FAT1: variants seen among roughly 807,000 people sequenced by gnomAD.
FAT1 encodes protocadherin Fat 1.
Under a neutral mutation model 329.8 loss-of-function variants are expected in FAT1, and 171 were observed. That is an observed-to-expected ratio of 0.52 (90% CI 0.46 to 0.59). The LOEUF is 0.59. Among genes scored for constraint, FAT1 ranks in the 20% least tolerant of loss-of-function variants. The pLI is 0.00. For synonymous variants in FAT1, 2,233 were observed against 2,228.6 expected (o/e 1.00, Z -0.06); for missense variants, 5,672 against 5,774.4 (o/e 0.98, Z 0.57).
intron 3 of FAT1, among the ~76,000 whole-genome samples, chr4:186,662,395 G>A (rs142890757): frequency 7.9e-5 from 12 of 152,244 alleles, no homozygotes; most frequent in South Asian, 6.2e-4. Context: ...TAAAAATTTC[G>A]GAGGAGGATT....
intron 3 of FAT1, among the ~76,000 whole-genome samples, chr4:186,651,152 AT>A (rs1741636231): frequency 6.7e-6 from 1 of 148,946 alleles, no homozygotes; most frequent in Non-Finnish European, 1.5e-5. Context: ...TTTATTAATA[AT>A]AAATTTATTA....
chr4:186,661,971 C>T (rs531033811), intron 3 of FAT1, among the ~76,000 whole-genome samples: 1 of 152,188 alleles, frequency 6.6e-6, no homozygotes, highest in South Asian at 2.1e-4. Flanking sequence ...TGAGAGGACT[C>T]CCAAGGTGTC....
At chr4:186,632,988 T>G (rs1740662042) in intron 7 of FAT1, among the ~76,000 whole-genome samples, 2 of 152,218 alleles carry the variant, frequency 1.3e-5, no homozygotes, top group African/African-American at 4.8e-5. Context: ...GTGCCTGGCA[T>G]GTAACAAGTG....
chr4:186,616,622 C>T (rs577123905), intron 11 of FAT1, among the ~76,000 whole-genome samples: 9 of 152,282 alleles, frequency 5.9e-5, no homozygotes, highest in East Asian at 1.9e-4. Context: ...GCTTCTCCAG[C>T]GTGCAGAAGA....
At chr4:186,686,004 C>A (rs1743441601) in intron 2 of FAT1, among the ~76,000 whole-genome samples, 3 of 152,154 alleles carry the variant, frequency 2.0e-5, no homozygotes, top group Admixed American at 2.0e-4. Context: ...TTATGACAAT[C>A]CTGGAAGCTG....
chr4:186,651,603 T>TC (rs1047021657), intron 3 of FAT1, among the ~76,000 whole-genome samples: 5 of 151,664 alleles, frequency 3.3e-5, no homozygotes, highest in African/African-American at 1.2e-4. Flanking sequence ...CAACACTGGA[T>TC]CCCCCCGAAA....
intron 11 of FAT1, 60 bp downstream of exon 11, chr4:186,616,945 A>G (rs1402857862): frequency 1.4e-6 from 2 of 1,452,784 alleles, no homozygotes; most frequent in East Asian, 2.3e-5. Context: ...TGATGGTCCC[A>G]TTGAAAGAAT....
upstream of FAT1, among the ~76,000 whole-genome samples, chr4:186,725,837 G>A (rs1350159853): frequency 6.6e-6 from 1 of 152,182 alleles, no homozygotes; most frequent in Admixed American, 6.5e-5. The surrounding 1 kb of genome is among the most constrained non-coding windows in gnomAD (Gnocchi z 5.4). Flanking sequence ...CCTCCAGCAC[G>A]GCCTCTACAT....
rs327094 is a variant in FAT1, at chr4:186,716,277, T to A, written c.-18-6432A>T. On this transcript the variant is annotated intron_variant, in intron 1 of 26. Transcript: ENST00000441802. ...CACAAAATTATTAAGTTGAGAACTC[T>A]GTGTTCTCCCTCACTGTGCTCTTCT... 8.8e-3 allele frequency among the ~76,000 whole-genome samples: 1,338 copies of A among 152,318 alleles called. 16 individuals carry two copies. Among genetic ancestry groups the A allele is most frequent in the African/African-American group, 0.031 (1,273 of 41,554 alleles).
intron 24 of FAT1, 67 bp downstream of exon 24, chr4:186,597,615 T>C: frequency 9.2e-7 from 1 of 1,083,370 alleles, no homozygotes; most frequent in Non-Finnish European, 1.4e-6. Context: ...TGAAGGTCTG[T>C]TGCATCTGCC....
chr4:186,598,411 G>A (rs896691836), intron 22 of FAT1: 2 of 284,834 alleles, frequency 7.0e-6, no homozygotes, highest in African/African-American at 4.4e-5. Context: ...TTACCTGAGT[G>A]ACCATGTACG....
chr4:186,628,020 G>GT (rs759613306), intron 9 of FAT1, 134 bp downstream of exon 9: 155 of 921,748 alleles, frequency 1.7e-4, no homozygotes, highest in Non-Finnish European at 2.4e-4. Flanking sequence ...ATGTAAAATT[G>GT]TATCTAGAGA....
Position 186,603,306 on chromosome 4 carries a change from T to C in FAT1, c.11220A>G (p.Gly3740=). The C allele has an allele frequency of 1.9e-6, 3 of 1,613,982 alleles. No homozygotes were observed. The highest frequency in any genetic ancestry group is 2.5e-6 in the Non-Finnish European group (3 of 1,179,886). The part of the protein sequence containing the change: ...ILNVFQKLCA[G]LDCPWKFCDE... ...CGCAGAACTTCCAGGGGCAGTCCAG[T>C]CCCGCGCAGAGTTTCTGGAATACAT... is the stretch of plus-strand genomic sequence containing the variant. The change falls in exon 19 of 27, where the codon GGA becomes GGG. Residue 3740 remains glycine, a synonymous_variant. Transcript: ENST00000441802.
intron 26 of FAT1, among the ~76,000 whole-genome samples, chr4:186,593,740 G>A (rs965739314): frequency 2.0e-5 from 3 of 152,114 alleles, no homozygotes; most frequent in African/African-American, 7.2e-5. Flanking sequence ...TTCTTCCCTC[G>A]AGCTGCAGAA....
chr4:186,677,082 G>A (rs6818490), intron 2 of FAT1, among the ~76,000 whole-genome samples: 32,530 of 151,972 alleles, frequency 0.21, 4,169 homozygotes, highest in East Asian at 0.61. Context: ...CAAATTTTTA[G>A]AAACTTCTTT....
upstream of FAT1, among the ~76,000 whole-genome samples, chr4:186,725,102 C>G (rs566736465): frequency 6.6e-6 from 1 of 152,226 alleles, no homozygotes; most frequent in South Asian, 2.1e-4. The surrounding 1 kb of genome is among the most constrained non-coding windows in gnomAD (Gnocchi z 5.4). Flanking sequence ...TTGGAATACA[C>G]ATAGATTCAC....
At position 186,589,209 on chromosome 4, in the gene FAT1, C is replaced by T. The variant is rs2126358081; in HGVS notation, c.13150G>A (p.Asp4384Asn). 6.2e-7 allele frequency: 1 copy of T among 1,604,086 alleles called. No individual in the cohort carries two copies. The highest frequency in any genetic ancestry group is 8.5e-7 in the Non-Finnish European group (1 of 1,175,426). ...ESCDDNGYHWDTSDWMPSVPL... is the reference protein window; with the variant it reads ...ESCDDNGYHWNTSDWMPSVPL... ...ACGCTTGGCATCCAATCTGATGTAT[C>T]CCAGTGATACCCTTGGTGGAAAAGA... The change falls in exon 27 of 27, where the codon GAT becomes AAT. Residue 4384 changes from aspartate to asparagine, a missense_variant. Around this residue, in one of 2 missense-constraint regions of FAT1, gnomAD observed 1,706 missense variants for 1,859.1 expected, o/e 0.92. Transcript: ENST00000441802.
rs1453512098 is a variant in FAT1, at chr4:186,618,330, C to A, written c.8256G>T (p.Val2752=). The A allele has an allele frequency of 6.2e-7, 1 of 1,614,042 alleles. No individual in the cohort carries two copies. The highest frequency in any genetic ancestry group is 2.2e-5 in the East Asian group (1 of 44,884). The change falls in exon 10 of 27, where the codon GTG becomes GTT. Residue 2752 remains valine, a synonymous_variant. Coordinates refer to ENST00000441802, the MANE Select transcript of FAT1 (RefSeq NM_005245.4). ...TPESNRDESF[V]IDRQSGRLKL... is the part of the protein sequence containing the mutation. ...TCAGTCTCCCGCTCTGTCTGTCAAT[C>A]ACAAAGGACTCATCCCTATTGCTTT...
intron 7 of FAT1, 103 bp from the exon 8 acceptor site, chr4:186,628,866 G>A (rs1740452891): frequency 8.6e-7 from 1 of 1,166,948 alleles, no homozygotes; most frequent in African/African-American, 1.5e-5. Flanking sequence ...ACGATACTGT[G>A]GCAAAATAAA....
Sources: gnomAD v4.1 joint callset for allele counts (sites outside exome capture counted in the v4.1 genomes callset) on GRCh38, gnomAD v4.1.1 for gene constraint, gnomAD v4.1.1 regional missense constraint, Gnocchi (gnomAD v3.1) non-coding constraint, MANE v1.5 for transcripts, NCBI Gene and HGNC (gene_info 2026-07-23, HGNC 2026-07-21) for gene names.